NCKAP5: variants seen among roughly 807,000 people sequenced by gnomAD.
The protein encoded by NCKAP5 is NCK associated protein 5, also known as nck-associated protein 5.
In NCKAP5, 92 loss-of-function variants were observed where a neutral mutation model predicts 167.0. The observed-to-expected ratio is 0.55, with a 90% CI of 0.47 to 0.66. The LOEUF is 0.66. Among genes scored for constraint, NCKAP5 ranks in the 30% least tolerant of loss-of-function variants. The pLI is 0.00. For synonymous variants in NCKAP5, 891 were observed against 877.4 expected (o/e 1.02, Z -0.27); for missense variants, 2,378 against 2,315.0 (o/e 1.03, Z -0.56).
intron 11 of NCKAP5, among the ~76,000 whole-genome samples, chr2:132,834,465 C>T (rs1687741488): frequency 6.6e-6 from 1 of 152,192 alleles, no homozygotes; most frequent in African/African-American, 2.4e-5. Context: ...CTGCCTCAGC[C>T]TCCCGAGTAC....
intron 2 of NCKAP5, among the ~76,000 whole-genome samples, chr2:133,540,016 T>TA (rs1343796587): frequency 1.2e-4 from 19 of 152,136 alleles, no homozygotes; most frequent in Admixed American, 8.5e-4. Flanking sequence ...CCATCTCTAC[T>TA]AAAAATACAT....
chr2:132,710,984 AT>A (rs1688787066), intron 19 of NCKAP5, among the ~76,000 whole-genome samples: 1 of 152,220 alleles, frequency 6.6e-6, no homozygotes, highest in African/African-American at 2.4e-5. Flanking sequence ...AATGAAGAGA[AT>A]GATTTATTTC....
At chr2:133,272,182 GA>G (rs532352105) in intron 4 of NCKAP5, among the ~76,000 whole-genome samples, 47 of 151,284 alleles carry the variant, frequency 3.1e-4, no homozygotes, top group African/African-American at 1.1e-3. Flanking sequence ...TGGACATGTA[GA>G]AATGAAGAAA....
chr2:132,999,195 A>AT (rs1347659656), intron 6 of NCKAP5, among the ~76,000 whole-genome samples: 3 of 152,326 alleles, frequency 2.0e-5, no homozygotes, highest in Admixed American at 2.0e-4. Context: ...AATAGATTCC[A>AT]TTTTTTAAGG....
At chr2:133,574,626 A>G in the NCKAP5 span, among the ~76,000 whole-genome samples, 24,824 of 141,126 alleles carry the variant, frequency 0.18, 2,362 homozygotes, top group East Asian at 0.32. Flanking sequence ...TTTTTTTGGA[A>G]GCACACACAC....
intron 6 of NCKAP5, among the ~76,000 whole-genome samples, chr2:133,011,915 C>T (rs2078173559): frequency 6.6e-6 from 1 of 152,138 alleles, no homozygotes; most frequent in African/African-American, 2.4e-5. Context: ...ATGCGGAGGC[C>T]CCTGAGCCCT....
chr2:132,713,944 A>C (rs1472742709), intron 19 of NCKAP5, among the ~76,000 whole-genome samples: 1 of 152,182 alleles, frequency 6.6e-6, no homozygotes, highest in Non-Finnish European at 1.5e-5. Flanking sequence ...TGATTTATTC[A>C]TTTATAATAA....
In NCKAP5 at chr2:132,991,966, C is replaced by T. The variant is rs922829795; in HGVS notation, c.429+2186G>A. Reference sequence around the variant, plus strand: ...AGAATTTGTGAGATGAAGGGGATCTCCCTGGGACTTGGCGCCACCCAGCAT... The same window carrying T: ...AGAATTTGTGAGATGAAGGGGATCTTCCTGGGACTTGGCGCCACCCAGCAT... On this transcript the variant is annotated intron_variant, in intron 7 of 19. Coordinates refer to ENST00000409261, the MANE Select transcript of NCKAP5 (RefSeq NM_207363.3). 2.0e-5 allele frequency among the ~76,000 whole-genome samples: 3 copies of T among 152,164 alleles called. No individual in the cohort carries two copies. The East Asian group carries it at 5.8e-4, about 29-fold the overall frequency.
the NCKAP5 span, among the ~76,000 whole-genome samples, chr2:133,604,771 C>T: frequency 1.5e-3 from 225 of 152,278 alleles, no homozygotes; most frequent in Non-Finnish European, 2.8e-3. Context: ...AGTCAGTACA[C>T]GAGTAGGGCT....
At chr2:132,845,574 A>C (rs1433084647) in intron 11 of NCKAP5, among the ~76,000 whole-genome samples, 1 of 152,194 alleles carries the variant, frequency 6.6e-6, no homozygotes, top group African/African-American at 2.4e-5. Context: ...ATTATTGTAA[A>C]ATAAATTCTC....
chr2:133,182,996 T>G (rs1180696401), intron 5 of NCKAP5, among the ~76,000 whole-genome samples: 1 of 152,082 alleles, frequency 6.6e-6, no homozygotes, highest in Non-Finnish European at 1.5e-5. Context: ...CATACATAAA[T>G]TTGACAACTT....
At chr2:132,713,986 C>T (rs1387464637) in intron 19 of NCKAP5, among the ~76,000 whole-genome samples, 1 of 152,134 alleles carries the variant, frequency 6.6e-6, no homozygotes, top group African/African-American at 2.4e-5. Context: ...GAAACTTCTC[C>T]CCACCTGATC....
intron 3 of NCKAP5, among the ~76,000 whole-genome samples, chr2:133,482,985 T>G (rs1048692248): frequency 3.9e-5 from 6 of 152,188 alleles, no homozygotes; most frequent in Admixed American, 3.9e-4. Flanking sequence ...TCCATGACAT[T>G]GTTTGCCCAC....
At chr2:132,768,637 CTTT>C (rs566719697) in intron 16 of NCKAP5, among the ~76,000 whole-genome samples, 15,967 of 124,140 alleles carry the variant, frequency 0.13, 602 homozygotes, top group East Asian at 0.18. Flanking sequence ...TTAATAATAT[CTTT>C]TTTTTTTTTT....
At chr2:133,213,906 T>C in intron 4 of NCKAP5, 127 bp from the exon 5 acceptor site, 2 of 756,460 alleles carry the variant, frequency 2.6e-6, no homozygotes, top group South Asian at 1.7e-5. Flanking sequence ...CTTCCTCCTC[T>C]ATACTTTCTA....
chr2:133,189,317 A>G (rs1490164423), intron 5 of NCKAP5, among the ~76,000 whole-genome samples: 1 of 152,180 alleles, frequency 6.6e-6, no homozygotes, highest in African/African-American at 2.4e-5. Context: ...AAAAAAGTCC[A>G]GGATCAGATG....
rs572497540 is a variant in NCKAP5 at position 133,257,684 on chromosome 2, G to A, written c.144-43905C>T. Reference sequence around the variant, plus strand: ...TGAAAGGCCAGATGCTTAACTTTGTGTACATAGACAAAGGAGAACATGAAG... The same window carrying A: ...TGAAAGGCCAGATGCTTAACTTTGTATACATAGACAAAGGAGAACATGAAG... On this transcript the variant is annotated intron_variant, in intron 4 of 19. Coordinates refer to ENST00000409261, the MANE Select transcript of NCKAP5 (RefSeq NM_207363.3). Among the ~76,000 whole-genome samples, 261 of 152,282 alleles carry A rather than the reference G, an allele frequency of 1.7e-3. 2 individuals carry two copies. Among genetic ancestry groups the A allele is most frequent in the Middle Eastern group, 3.4e-3 (1 of 294 alleles).
At chr2:133,168,652 A>G (rs1183697230) in intron 5 of NCKAP5, among the ~76,000 whole-genome samples, 2 of 152,158 alleles carry the variant, frequency 1.3e-5, no homozygotes, top group African/African-American at 2.4e-5. Flanking sequence ...GAACTTTGAC[A>G]CTAGAAGCTA....
In NCKAP5 at chr2:133,102,892, G is replaced by A. The variant is rs1278825965; in HGVS notation, c.341+27086C>T. Among the ~76,000 whole-genome samples, 4 of 151,374 alleles carry A rather than the reference G, an allele frequency of 2.6e-5. No homozygotes were observed. In the East Asian group the frequency reaches 7.7e-4, roughly 29 times the overall value. On this transcript the variant is annotated intron_variant, in intron 6 of 19. Coordinates refer to ENST00000409261, the MANE Select transcript of NCKAP5 (RefSeq NM_207363.3). The stretch of plus-strand genomic sequence containing the variant: ...TGAGCTCCCAGAGAGCTGGATTCAA[G>A]TCCCGTGAATGCAAGAGGAGACTTT...
Sources: allele counts gnomAD v4.1 joint callset (sites outside exome capture counted in the v4.1 genomes callset), GRCh38; gene constraint gnomAD v4.1.1; transcripts MANE v1.5; gene names NCBI Gene and HGNC (gene_info 2026-07-23, HGNC 2026-07-21).